SLAIN1: variants seen among roughly 807,000 people sequenced by gnomAD.
SLAIN1 encodes SLAIN family member 1, also known as SLAIN motif-containing protein 1.
SLAIN1 carries 17 observed loss-of-function variants against 55.4 expected under a neutral mutation model. The ratio of observed to expected loss-of-function variants is 0.31; its 90% CI spans 0.21 to 0.46. The LOEUF (loss-of-function observed/expected upper bound fraction) is 0.46, where lower values mean the gene tolerates loss of function less well. Ranked by LOEUF, SLAIN1 falls within the 20% of genes least tolerant of loss-of-function variation. The probability of loss-of-function intolerance (pLI) is 1.00; values close to 1 mark genes in which losing one functional copy is unlikely to be tolerated. For missense variants in SLAIN1, 682 were observed against 785.1 expected, an observed-to-expected ratio of 0.87 and a Z score of 1.57; for synonymous variants, 348 against 337.4, an observed-to-expected ratio of 1.03 and a Z score of -0.35.
At chr13:77,722,171 C>G (rs2091268689) in intron 2 of SLAIN1, among the ~76,000 whole-genome samples, 1 of 151,772 alleles carries the variant, frequency 6.6e-6, no homozygotes, top group Non-Finnish European at 1.5e-5. Flanking sequence ...TTTATTTAAA[C>G]TTCCTGTAAA....
intron 2 of SLAIN1, among the ~76,000 whole-genome samples, chr13:77,744,007 TATA>T (rs1336842937): frequency 6.6e-6 from 1 of 152,044 alleles, no homozygotes; most frequent in Non-Finnish European, 1.5e-5. Context: ...TGATAAAAAA[TATA>T]ATGTGAAATC....
intron 2 of SLAIN1, among the ~76,000 whole-genome samples, chr13:77,736,110 T>A (rs752610519): frequency 3.9e-4 from 60 of 152,094 alleles, no homozygotes; most frequent in Non-Finnish European, 1.2e-4. Context: ...GTTCCAGAGA[T>A]ATGCTTTTCA....
chr13:77,724,634 T>G (rs1290533750), intron 2 of SLAIN1, among the ~76,000 whole-genome samples: 1 of 152,208 alleles, frequency 6.6e-6, no homozygotes, highest in African/African-American at 2.4e-5. Context: ...TTGACAGATA[T>G]CAAAAATTAT....
At chr13:77,760,435 T>G (rs1874924458) in intron 5 of SLAIN1, among the ~76,000 whole-genome samples, 1 of 152,244 alleles carries the variant, frequency 6.6e-6, no homozygotes, top group African/African-American at 2.4e-5. Context: ...TTTCTGTAAT[T>G]ACAACTATTA....
intron 1 of SLAIN1, among the ~76,000 whole-genome samples, chr13:77,708,421 A>G (rs556466995): frequency 4.8e-4 from 73 of 152,296 alleles, no homozygotes; most frequent in African/African-American, 1.6e-3. Flanking sequence ...TTCAGATGGT[A>G]GCTGAGAGGG....
intron 2 of SLAIN1, among the ~76,000 whole-genome samples, chr13:77,740,723 A>T (rs1873380707): frequency 1.3e-5 from 2 of 152,016 alleles, no homozygotes; most frequent in African/African-American, 4.8e-5. Context: ...CCACTGAGAT[A>T]ATTGGTTGAA....
Position 77,708,732 on chromosome 13 carries a change from C to T in SLAIN1, c.626+10193C>T, listed in dbSNP as rs530247578. On this transcript the variant is annotated intron_variant, in intron 1 of 6. Transcript: ENST00000418532. ...ATAGCATCAGCATCAATAAAAAGGA[C>T]GTCCACACAGAAACCCCATCCAAAG... Among the ~76,000 whole-genome samples, 11 of 152,206 alleles carry T rather than the reference C, an allele frequency of 7.2e-5. No homozygotes were observed. The East Asian group carries it at 1.4e-3, about 19-fold the overall frequency.
At chr13:77,707,661 G>A (rs149706368) in intron 1 of SLAIN1, among the ~76,000 whole-genome samples, 86 of 152,130 alleles carry the variant, frequency 5.7e-4, no homozygotes, top group African/African-American at 1.8e-3. Context: ...GTCTTCTCTT[G>A]GATTCATCTT....
At chr13:77,720,936 G>C (rs1228972959) in intron 2 of SLAIN1, among the ~76,000 whole-genome samples, 1 of 151,798 alleles carries the variant, frequency 6.6e-6, no homozygotes, top group Non-Finnish European at 1.5e-5. Flanking sequence ...AGGCATGTTA[G>C]GGTTAAAACT....
At chr13:77,714,421 C>T (rs117921124) in intron 1 of SLAIN1, among the ~76,000 whole-genome samples, 2,375 of 152,086 alleles carry the variant, frequency 0.016, 28 homozygotes, top group Non-Finnish European at 0.025. Flanking sequence ...AGACCAGCCT[C>T]GACAACATAG....
At position 77,753,476 on chromosome 13, in the gene SLAIN1, CT is replaced by C; in HGVS notation, c.1414+124del. The C allele has an allele frequency of 5.8e-6, 3 of 519,368 alleles. No homozygotes were observed. The Middle Eastern group carries it at 1.9e-3, about 335-fold the overall frequency. The allele number at this position is 519,368 out of a possible 1,614,324, so 32.2% of individuals were successfully genotyped here. ...TGTATTTACTTGAAAGAACACTAAA[CT>C]TTTTTCCTTGCCGTGTAACTTATTT... On this transcript the variant is annotated intron_variant, in intron 5 of 6. Transcript: ENST00000418532.
At position 77,746,674 on chromosome 13, in the gene SLAIN1, T is replaced by C. The variant is rs1566242247; in HGVS notation, c.1077T>C (p.Pro359=). Residue 359 remains proline (P), a synonymous_variant, in exon 4 of 7, where the codon CCT becomes CCC. Coordinates refer to ENST00000418532, the MANE Select transcript of SLAIN1 (RefSeq NM_001242868.2). ...EEFDHLPPPQ[P]RLPRCSPFQR... ...TTGATCATTTGCCACCACCTCAGCC[T>C]CGTCTTCCAAGATGTTCCCCTTTCC... 2.5e-6 allele frequency: 4 copies of C among 1,613,810 alleles called. No individual in the cohort carries two copies. Among genetic ancestry groups the C allele is most frequent in the Non-Finnish European group, 3.4e-6 (4 of 1,179,830 alleles).
chr13:77,763,234 A>C lies in SLAIN1; in HGVS notation c.*14A>C. ...GGTTGCTACTAATGCAGTTTTATGT[A>C]CCCTTGAAAAATGGGAAAGAAGTAA... On this transcript the variant is annotated 3_prime_UTR_variant, in exon 7 of 7. Transcript: ENST00000418532. The C allele has an allele frequency of 6.2e-7, 1 of 1,607,174 alleles. No homozygotes were observed. Among genetic ancestry groups the C allele is most frequent in the Non-Finnish European group, 8.5e-7 (1 of 1,174,162 alleles).
chr13:77,718,445 C>T (rs769605976), intron 1 of SLAIN1, among the ~76,000 whole-genome samples: 1 of 152,038 alleles, frequency 6.6e-6, no homozygotes, highest in Non-Finnish European at 1.5e-5. Context: ...ATTTACTTGC[C>T]GGTCCTTTAC....
intron 4 of SLAIN1, among the ~76,000 whole-genome samples, chr13:77,748,534 A>G (rs1023546787): frequency 6.7e-6 from 1 of 150,214 alleles, no homozygotes; most frequent in East Asian, 2.0e-4. Context: ...TGTTTGTTGC[A>G]CCTCAGAAAA....
intron 1 of SLAIN1, among the ~76,000 whole-genome samples, chr13:77,713,841 A>AT (rs1434813163): frequency 6.6e-6 from 1 of 152,210 alleles, no homozygotes; most frequent in Non-Finnish European, 1.5e-5. Flanking sequence ...CTGTTCAGCC[A>AT]TAAAAAAAGG....
chr13:77,760,913 C>T lies in SLAIN1; in HGVS notation c.1500C>T (p.Ala500=), dbSNP rs746368619. 4.3e-6 allele frequency: 7 copies of T among 1,614,158 alleles called. No individual in the cohort carries two copies. The highest frequency in any genetic ancestry group is 5.1e-6 in the Non-Finnish European group (6 of 1,180,008). The change falls in exon 6 of 7, where the codon GCC becomes GCT. Residue 500 remains alanine, a synonymous_variant. Coordinates refer to ENST00000418532, the MANE Select transcript of SLAIN1 (RefSeq NM_001242868.2). The stretch of plus-strand genomic sequence containing the variant: ...TCCGACAGCCTCTTAAAGCCACAGC[C>T]TATGTGAGTCCAACCGTTCAAGGCA... ...VSIRQPLKAT[A]YVSPTVQGSS...
rs531442683 is a variant in SLAIN1 at position 77,731,286 on chromosome 13, T to G, written c.766+11615T>G. Among the ~76,000 whole-genome samples the G allele has an allele frequency of 1.6e-4, 24 of 152,296 alleles. No homozygotes were observed. The South Asian group carries it at 5.0e-3, about 32-fold the overall frequency. The stretch of plus-strand genomic sequence containing the variant: ...TATAGTATAACAAATTTCAGACATT[T>G]TATAAGTAATATTGGATGCTAGATA... On this transcript the variant is annotated intron_variant, in intron 2 of 6. Coordinates refer to ENST00000418532, the MANE Select transcript of SLAIN1 (RefSeq NM_001242868.2).
intron 2 of SLAIN1, chr13:77,743,150 A>C (rs1348370511): frequency 1.5e-6 from 2 of 1,301,462 alleles, no homozygotes; most frequent in Non-Finnish European, 2.0e-6. Flanking sequence ...AGCAATACTA[A>C]CACCTGAAAA....
Sources: allele counts gnomAD v4.1 joint callset (sites outside exome capture counted in the v4.1 genomes callset), GRCh38; gene constraint gnomAD v4.1.1; transcripts MANE v1.5; gene names NCBI Gene and HGNC (gene_info 2026-07-23, HGNC 2026-07-21).